The following HSPA13 variants were observed in gnomAD, a reference collection of about 807,000 sequenced individuals.
HSPA13 encodes the protein heat shock 70 kDa protein 13.
In HSPA13, 29 loss-of-function variants were observed where a neutral mutation model predicts 38.8. The ratio of observed to expected loss-of-function variants is 0.75; its 90% confidence interval spans 0.56 to 1.02. The LOEUF (loss-of-function observed/expected upper bound fraction) is 1.02. HSPA13 is among the 50% of genes least tolerant of loss of function. The pLI, the probability that HSPA13 is intolerant of heterozygous loss-of-function variation, is 0.00. For synonymous variants in HSPA13, 192 were observed against 205.3 expected (o/e 0.94, Z 0.56); for missense variants, 451 against 560.9 (o/e 0.80, Z 1.98).
At position 14,375,869 on chromosome 21, in the gene HSPA13, T is replaced by C. The variant is rs371277393; in HGVS notation, c.581-50A>G. ...AAATTCATGAGAGGATGCGATCAAG[T>C]AATCTCTTCCCACTTACAGCATGTT... On this transcript the variant is annotated intron_variant, in intron 3 of 4. Transcript: ENST00000285667. 7 of 1,419,922 alleles carry C rather than the reference T, an allele frequency of 4.9e-6. No homozygotes were observed. The African/African-American group carries it at 9.9e-5, about 20-fold the overall frequency. The allele number at this position is 1,419,922 out of a possible 1,614,324, so 88.0% of individuals were successfully genotyped here.
chr21:14,375,923 C>T (rs1984009067), intron 3 of HSPA13, 104 bp from the exon 4 acceptor site: 1 of 850,418 alleles, frequency 1.2e-6, no homozygotes, highest in African/African-American at 1.7e-5. Flanking sequence ...AACTCCACCA[C>T]TGAGTAATAA....
chr21:14,376,647 C>T (rs989183047), intron 3 of HSPA13, among the ~76,000 whole-genome samples: 3 of 152,174 alleles, frequency 2.0e-5, no homozygotes, highest in Non-Finnish European at 4.4e-5. Context: ...ACACCCTTCA[C>T]TTCAGCTCTC....
intron 4 of HSPA13, among the ~76,000 whole-genome samples, 160 bp downstream of exon 4, chr21:14,375,490 AAT>A (rs1491289476): frequency 1.8e-5 from 2 of 111,578 alleles, no homozygotes; most frequent in Admixed American, 1.9e-4. Flanking sequence ...ATTTTTCTGT[AAT>A]TTTTTTTTTT....
intron 3 of HSPA13, among the ~76,000 whole-genome samples, chr21:14,377,631 A>G (rs953459331): frequency 5.9e-5 from 9 of 152,170 alleles, no homozygotes; most frequent in Non-Finnish European, 1.0e-4. Context: ...CATTTGAGTC[A>G]GTGGACTGGC....
At chr21:14,375,495 T>G (rs894702526) in intron 4 of HSPA13, among the ~76,000 whole-genome samples, 157 bp downstream of exon 4, 11 of 139,526 alleles carry the variant, frequency 7.9e-5, no homozygotes, top group Non-Finnish European at 1.6e-4. Context: ...TCTGTAATTT[T>G]TTTTTTTTTT....
chr21:14,381,027 A>C (rs1056595904), intron 2 of HSPA13, among the ~76,000 whole-genome samples, 176 bp downstream of exon 2: 2 of 152,218 alleles, frequency 1.3e-5, no homozygotes, highest in African/African-American at 4.8e-5. Context: ...AGCATTATGG[A>C]GTCAGTGATT....
rs1019648599 is a variant in HSPA13 at position 14,371,533 on chromosome 21, A to G, written c.*2084T>C. Reference sequence around the variant, plus strand: ...AAATAGCCCACTAAAATATGATTGAAGACATTCCTTCATTTTATTAAAGGT... The same window carrying G: ...AAATAGCCCACTAAAATATGATTGAGGACATTCCTTCATTTTATTAAAGGT... On this transcript the variant is annotated 3_prime_UTR_variant, in exon 5 of 5. Transcript: ENST00000285667. The G allele has an allele frequency of 6.6e-6, 1 of 152,164 alleles. No homozygotes were observed. Among genetic ancestry groups the G allele is most frequent in the African/African-American group, 2.4e-5 (1 of 41,458 alleles). The allele number at this position is 152,164 out of a possible 1,614,324, so 9.4% of individuals were successfully genotyped here. A position where few individuals can be genotyped will look rare whatever the true frequency, so the allele number is the denominator to read the frequency against.
Position 14,383,131 on chromosome 21 carries a change from C to G in HSPA13, c.-12G>C, listed in dbSNP as rs545403631. The G allele has an allele frequency of 6.8e-6, 11 of 1,614,116 alleles. No individual in the cohort carries two copies. The East Asian group carries it at 2.0e-4, about 29-fold the overall frequency. ...ATCTCTCTGGCCATCACAGTCCCGC[C>G]GAACAGGCTTGTGATGACTGTACCA... is the stretch of plus-strand genomic sequence containing the variant. On this transcript the variant is annotated 5_prime_UTR_variant, in exon 1 of 5. Transcript: ENST00000285667.
Position 14,375,820 on chromosome 21 carries a change from C to A in HSPA13, c.581-1G>T. On this transcript the variant is annotated splice_acceptor_variant, in intron 3 of 4. Coordinates refer to ENST00000285667, the MANE Select transcript of HSPA13 (RefSeq NM_006948.5). LOFTEE classifies it high-confidence loss of function. ...TTTATTACCCTCAAAATCTTCAGTC[C>A]TGTAAGATTGGTTAAGGGAAGAAAA... 6.2e-7 allele frequency: 1 copy of A among 1,612,074 alleles called. No homozygotes were observed. Among genetic ancestry groups the A allele is most frequent in the Non-Finnish European group, 8.5e-7 (1 of 1,178,644 alleles).
intron 1 of HSPA13, 52 bp from the exon 2 acceptor site, chr21:14,381,595 CT>C: frequency 7.1e-7 from 1 of 1,406,594 alleles, no homozygotes. Flanking sequence ...GTACAATGTA[CT>C]AAATTACTGT....
intron 4 of HSPA13, among the ~76,000 whole-genome samples, chr21:14,375,296 C>T (rs1204333841): frequency 6.6e-6 from 1 of 152,006 alleles, no homozygotes; most frequent in East Asian, 1.9e-4. Flanking sequence ...ATTTATGCGA[C>T]TTATAGGATG....
intron 2 of HSPA13, among the ~76,000 whole-genome samples, chr21:14,380,589 A>C (rs112197540): frequency 0.029 from 4,468 of 152,252 alleles, 109 homozygotes; most frequent in South Asian, 0.079. Context: ...AAACCAGAAA[A>C]ATAAATCAAA....
chr21:14,378,369 T>C lies in HSPA13; in HGVS notation c.410A>G (p.Asn137Ser), dbSNP rs776378274. The C allele has an allele frequency of 6.2e-7, 1 of 1,614,100 alleles. No homozygotes were observed. ...TTCTGGGGACACTGTGATGGTCTCA[T>C]TACTTGTCACAGAAAACTCAACCAT... Reference protein sequence around the residue: ...NGMVEFSVTSNETITVSPEYV... With the variant: ...NGMVEFSVTSSETITVSPEYV... The change falls in exon 3 of 5, where the codon AAT becomes AGT. Residue 137 changes from asparagine to serine, a missense_variant. Coordinates refer to ENST00000285667, the MANE Select transcript of HSPA13 (RefSeq NM_006948.5).
rs1982842057 is a variant in HSPA13, at chr21:14,372,172, C to G, written c.*1445G>C. The G allele has an allele frequency of 6.6e-6, 1 of 151,492 alleles. No homozygotes were observed. Among genetic ancestry groups the G allele is most frequent in the African/African-American group, 2.4e-5 (1 of 41,272 alleles). The allele number at this position is 151,492 out of a possible 1,614,324, so 9.4% of individuals were successfully genotyped here. On this transcript the variant is annotated 3_prime_UTR_variant, in exon 5 of 5. Transcript: ENST00000285667. Reference sequence around the variant, plus strand: ...TTTGCTCAGTTTCCTTTTTTGGTGACCAGCATTTCAACATCCTATCGAATT... The same window carrying G: ...TTTGCTCAGTTTCCTTTTTTGGTGAGCAGCATTTCAACATCCTATCGAATT...
rs768556084 is a variant in HSPA13, at chr21:14,374,013, G to A, written c.1020C>T (p.Arg340=). 24 of 1,614,032 alleles carry A rather than the reference G, an allele frequency of 1.5e-5. No individual in the cohort carries two copies. The highest frequency in any genetic ancestry group is 6.6e-5 in the South Asian group (6 of 91,088). The change falls in exon 5 of 5, where the codon CGC becomes CGT. Residue 340 remains arginine, a synonymous_variant. Transcript: ENST00000285667. ...GGCCACGTCCAAACCCACTGTTCAC[G>A]CGATGGTCATCTGCTGAGGAAAGTT... ...KDKLSSADDH[R]VNSGFGRGLS... is the part of the protein sequence containing the mutation.
In HSPA13 at chr21:14,372,755, G is replaced by T. The variant is rs939961365; in HGVS notation, c.*862C>A. On this transcript the variant is annotated 3_prime_UTR_variant, in exon 5 of 5. Transcript: ENST00000285667. Reference sequence around the variant, plus strand: ...AAAGAAACAAATACAGTAGGTAATTGATGCTATTTGCCAATGTTTGCAAAG... The same window carrying T: ...AAAGAAACAAATACAGTAGGTAATTTATGCTATTTGCCAATGTTTGCAAAG... 1 of 152,094 alleles carries T rather than the reference G, an allele frequency of 6.6e-6. No individual in the cohort carries two copies. Among genetic ancestry groups the T allele is most frequent in the Non-Finnish European group, 1.5e-5 (1 of 67,970 alleles). 9.4% of individuals were successfully genotyped at this position (152,094 alleles called of 1,614,324 possible). A position where few individuals can be genotyped will look rare whatever the true frequency, so the allele number is the denominator to read the frequency against.
chr21:14,381,401 C>A lies in HSPA13; in HGVS notation c.168G>T (p.Lys56Asn), dbSNP rs368680129. ...TATGCCCATTTTCATCTGGAATCAC[C>A]TTTACTTTTCCTGTGCCAGGAAAAA... ...GVFFPGTGKV[K>N]VIPDENGHIS... Residue 56 changes from lysine to asparagine, a missense_variant, in exon 2 of 5, where the codon AAG (lysine) becomes AAT (asparagine). Lys to Asn is a moderately conservative substitution (Grantham distance 94). Transcript: ENST00000285667. 6.2e-7 allele frequency: 1 copy of A among 1,614,114 alleles called. No homozygotes were observed. The highest frequency in any genetic ancestry group is 8.5e-7 in the Non-Finnish European group (1 of 1,180,010).
Position 14,374,195 on chromosome 21 carries a change from A to C in HSPA13, c.838T>G (p.Ser280Ala). 1 of 1,613,568 alleles carries C rather than the reference A, an allele frequency of 6.2e-7. No homozygotes were observed. Residue 280 changes from serine to alanine, a missense_variant, in exon 5 of 5, where the codon TCT becomes GCT. Ser to Ala is a moderately conservative substitution (Grantham distance 99, BLOSUM62 1). Transcript: ENST00000285667. The part of the protein sequence containing the change: ...QIYQTYGFVP[S>A]RKEEIHRLRQ... ...AATCTGTGGATTTCCTCTTTCCTAG[A>C]GGGCACGAAGCCATATGTTTGATAG...
At chr21:14,378,761 A>C (rs1984094626) in intron 2 of HSPA13, among the ~76,000 whole-genome samples, 1 of 151,934 alleles carries the variant, frequency 6.6e-6, no homozygotes, top group Non-Finnish European at 1.5e-5. Flanking sequence ...CTGGGAGTAC[A>C]GATGCGTGCC....
Sources: gnomAD v4.1 joint callset for allele counts (sites outside exome capture counted in the v4.1 genomes callset) on GRCh38, gnomAD v4.1.1 for gene constraint, MANE v1.5 for transcripts, NCBI Gene and HGNC (gene_info 2026-07-23, HGNC 2026-07-21) for gene names.